CDCP1: variants seen among roughly 807,000 people sequenced by gnomAD.
CDCP1 encodes the protein CUB domain-containing protein 1.
In CDCP1, 29 loss-of-function variants were observed where a neutral mutation model predicts 60.2. The ratio of observed to expected loss-of-function variants is 0.48; its 90% CI spans 0.36 to 0.66. The LOEUF is 0.66. Among genes scored for constraint, CDCP1 ranks in the 30% least tolerant of loss-of-function variants. The probability of loss-of-function intolerance (pLI) is 0.00; values close to 1 mark genes in which losing one functional copy is unlikely to be tolerated. For synonymous variants in CDCP1, 387 were observed against 431.1 expected, an observed-to-expected ratio of 0.90 and a Z score of 1.27; for missense variants, 876 against 1,074.3, an observed-to-expected ratio of 0.82 and a Z score of 2.58.
At chr3:45,142,113 G>C (rs551094046) in intron 1 of CDCP1, among the ~76,000 whole-genome samples, 2 of 152,146 alleles carry the variant, frequency 1.3e-5, no homozygotes, top group Non-Finnish European at 2.9e-5. Context: ...GATTACAGGC[G>C]TGAGCCACTG....
intron 7 of CDCP1, 107 bp from the exon 8 acceptor site, chr3:45,089,248 G>T: frequency 1.2e-6 from 1 of 818,474 alleles, no homozygotes; most frequent in African/African-American, 1.7e-5. Context: ...AAGGTGGAGC[G>T]CCATACATGT....
rs1202592310 is a variant in CDCP1, at chr3:45,108,777, ATACATATATATGCATG to A, written c.1024+1680_1024+1695del. Among the ~76,000 whole-genome samples, 277 of 69,742 alleles carry A rather than the reference ATACATATATATGCATG, an allele frequency of 4.0e-3. 8 individuals are homozygous for A. Among genetic ancestry groups the A allele is most frequent in the African/African-American group, 1.0e-2 (204 of 20,460 alleles). 45.8% of individuals were successfully genotyped at this position (69,742 alleles called of 152,430 possible). On this transcript the variant is annotated intron_variant, in intron 4 of 8. Coordinates refer to ENST00000296129, the MANE Select transcript of CDCP1 (RefSeq NM_022842.5). Reference sequence around the variant, plus strand: ...TGCATGTATATATATATATGCATGTATACATATATATGCATGTATATATATATATGCATGTATACAT... The same window carrying A: ...TGCATGTATATATATATATGCATGTATATATATATATATGCATGTATACAT...
chr3:45,098,690 G>A (rs973333431), intron 4 of CDCP1, among the ~76,000 whole-genome samples: 6 of 151,588 alleles, frequency 4.0e-5, no homozygotes, highest in African/African-American at 9.7e-5. Context: ...GATAGTTAGC[G>A]TCATATTTTC....
At chr3:45,094,230 C>T (rs1559776249) in intron 5 of CDCP1, among the ~76,000 whole-genome samples, 1 of 60,496 alleles carries the variant, frequency 1.7e-5, no homozygotes, top group Non-Finnish European at 4.4e-5. Flanking sequence ...AGTCATCAAA[C>T]ATTTTTTTTT....
At chr3:45,113,534 C>T (rs1368045157) in intron 2 of CDCP1, among the ~76,000 whole-genome samples, 1 of 152,160 alleles carries the variant, frequency 6.6e-6, no homozygotes, top group Non-Finnish European at 1.5e-5. Flanking sequence ...TACTGCTGTT[C>T]TATTGGGGTA....
At chr3:45,134,199 A>C (rs1243415087) in intron 1 of CDCP1, among the ~76,000 whole-genome samples, 1 of 150,676 alleles carries the variant, frequency 6.6e-6, no homozygotes, top group Non-Finnish European at 1.5e-5. Flanking sequence ...ATCTATGCTC[A>C]CTGCAAGCTC....
At chr3:45,115,247 G>A (rs1358832128) in intron 2 of CDCP1, among the ~76,000 whole-genome samples, 5 of 149,096 alleles carry the variant, frequency 3.4e-5, no homozygotes, top group Middle Eastern at 3.4e-3. Flanking sequence ...GGGGTGGGGC[G>A]GGGAAGTACA....
intron 1 of CDCP1, among the ~76,000 whole-genome samples, chr3:45,132,097 G>A (rs951473531): frequency 3.3e-5 from 5 of 152,010 alleles, no homozygotes; most frequent in Admixed American, 6.6e-5. Context: ...ATTAGCAGGC[G>A]TGGTGGCACA....
intron 1 of CDCP1, among the ~76,000 whole-genome samples, chr3:45,128,177 C>G (rs867900341): frequency 1.3e-5 from 2 of 152,362 alleles, no homozygotes; most frequent in Middle Eastern, 6.8e-3. Context: ...CAAGCACAAC[C>G]TCCCACCTGC....
intron 4 of CDCP1, among the ~76,000 whole-genome samples, chr3:45,109,523 G>C (rs1477468930): frequency 6.6e-6 from 1 of 152,096 alleles, no homozygotes; most frequent in African/African-American, 2.4e-5. Flanking sequence ...GAAATGTCCT[G>C]GTTGGAGACC....
intron 4 of CDCP1, among the ~76,000 whole-genome samples, chr3:45,096,366 T>G (rs968675389): frequency 6.6e-6 from 1 of 152,176 alleles, no homozygotes; most frequent in Non-Finnish European, 1.5e-5. Context: ...GGCTCACGCT[T>G]GTAATCCTAG....
At chr3:45,124,163 A>C (rs889459135) in intron 1 of CDCP1, among the ~76,000 whole-genome samples, 4 of 152,072 alleles carry the variant, frequency 2.6e-5, no homozygotes, top group African/African-American at 4.8e-5. Context: ...CATCCCTGTT[A>C]TTTCTTCTCC....
At chr3:45,092,763 T>C (rs189221606) in intron 6 of CDCP1, among the ~76,000 whole-genome samples, 3 of 152,306 alleles carry the variant, frequency 2.0e-5, no homozygotes, top group Admixed American at 6.5e-5. Flanking sequence ...CCTCAGAACA[T>C]GGAGACCACA....
At chr3:45,087,854 C>G (rs1192761982) in intron 8 of CDCP1, among the ~76,000 whole-genome samples, 1 of 151,974 alleles carries the variant, frequency 6.6e-6, no homozygotes, top group Non-Finnish European at 1.5e-5. Flanking sequence ...CCTGTGTCTA[C>G]TAAAAATACA....
Position 45,085,347 on chromosome 3 carries a change from A to G in CDCP1, c.*291T>C. On this transcript the variant is annotated 3_prime_UTR_variant, in exon 9 of 9. Transcript: ENST00000296129. The surrounding 1 kb of genome is among the most constrained non-coding windows in gnomAD (Gnocchi z 4.2). Reference sequence around the variant, plus strand: ...TGAATCCAGGGCTTGCTGCAACCCTATGCTAGGTGACTCAGGCCTCTCTCC... The same window carrying G: ...TGAATCCAGGGCTTGCTGCAACCCTGTGCTAGGTGACTCAGGCCTCTCTCC... The G allele has an allele frequency of 5.4e-6, 2 of 367,152 alleles. No individual in the cohort carries two copies. Among genetic ancestry groups the G allele is most frequent in the Non-Finnish European group, 1.0e-5 (2 of 199,612 alleles). 22.7% of individuals were successfully genotyped at this position (367,152 alleles called of 1,614,324 possible). A position where few individuals can be genotyped will look rare whatever the true frequency, so the allele number is the denominator to read the frequency against.
At chr3:45,096,619 GTC>G in intron 4 of CDCP1, among the ~76,000 whole-genome samples, 1 of 29,630 alleles carries the variant, frequency 3.4e-5, no homozygotes, top group South Asian at 4.2e-3. Flanking sequence ...GCAAGACTCC[GTC>G]TCAAAAAAAA....
At chr3:45,134,055 A>T (rs551969961) in intron 1 of CDCP1, among the ~76,000 whole-genome samples, 4 of 152,246 alleles carry the variant, frequency 2.6e-5, no homozygotes, top group African/African-American at 7.2e-5. Context: ...CACGGCAGCC[A>T]GGGTGTGAGA....
intron 1 of CDCP1, among the ~76,000 whole-genome samples, chr3:45,144,340 C>A (rs1699344870): frequency 6.6e-6 from 1 of 152,166 alleles, no homozygotes; most frequent in Admixed American, 6.5e-5. Context: ...AAGGCCTTTG[C>A]CACTTAGATC....
At chr3:45,116,412 G>A (rs550236485) in intron 2 of CDCP1, among the ~76,000 whole-genome samples, 188 of 119,536 alleles carry the variant, frequency 1.6e-3, no homozygotes, top group Non-Finnish European at 2.7e-3. Flanking sequence ...ATAGTGTTCC[G>A]TTAAAAAAAA....
Sources: allele counts gnomAD v4.1 joint callset (sites outside exome capture counted in the v4.1 genomes callset), GRCh38; gene constraint gnomAD v4.1.1; non-coding constraint Gnocchi (gnomAD v3.1); transcripts MANE v1.5; gene names NCBI Gene and HGNC (gene_info 2026-07-23, HGNC 2026-07-21).